MYO1B: variants seen among roughly 807,000 people sequenced by gnomAD.
MYO1B encodes myosin IB.
In MYO1B, 72 loss-of-function variants were observed where a neutral mutation model predicts 159.7. The ratio of observed to expected loss-of-function variants is 0.45; its 90% CI spans 0.37 to 0.55. MYO1B has a LOEUF of 0.55. MYO1B is among the 20% of genes least tolerant of loss of function. The probability of loss-of-function intolerance (pLI) is 0.00; values close to 1 mark genes in which losing one functional copy is unlikely to be tolerated. For synonymous variants in MYO1B, 468 were observed against 473.8 expected (o/e 0.99, Z 0.16); for missense variants, 1,062 against 1,364.8 (o/e 0.78, Z 3.50).
intron 13 of MYO1B, chr2:191,380,866 A>G (rs1695000347): frequency 6.3e-6 from 1 of 158,236 alleles, no homozygotes; most frequent in Non-Finnish European, 1.4e-5. Context: ...GTAGGAATAC[A>G]GTGAACAAGA....
At chr2:191,381,863 G>A (rs1218391534) in intron 14 of MYO1B, among the ~76,000 whole-genome samples, 1 of 152,044 alleles carries the variant, frequency 6.6e-6, no homozygotes, top group African/African-American at 2.4e-5. Context: ...TTAGAGAACT[G>A]TATACCAAAA....
intron 11 of MYO1B, among the ~76,000 whole-genome samples, chr2:191,368,337 G>T (rs117974767): frequency 6.6e-6 from 1 of 152,138 alleles, no homozygotes; most frequent in Non-Finnish European, 1.5e-5. Context: ...GTTGAAAATA[G>T]CAACAAAACC....
At chr2:191,355,120 T>C (rs1413933624) in intron 7 of MYO1B, among the ~76,000 whole-genome samples, 2 of 152,202 alleles carry the variant, frequency 1.3e-5, no homozygotes, top group Non-Finnish European at 2.9e-5. Context: ...ACTATCACCA[T>C]CATGTGAATG....
chr2:191,262,815 A>G (rs1686904466), intron 1 of MYO1B, among the ~76,000 whole-genome samples: 1 of 152,138 alleles, frequency 6.6e-6, no homozygotes, highest in African/African-American at 2.4e-5. Context: ...TTTCTGCTTA[A>G]TCACATCCAA....
chr2:191,358,909 A>C (rs13383834), intron 7 of MYO1B, among the ~76,000 whole-genome samples: 3,046 of 152,344 alleles, frequency 0.02, 94 homozygotes, highest in African/African-American at 0.068. Flanking sequence ...TTCTTCCCAA[A>C]TCGCTGGCAC....
chr2:191,346,371 C>T lies in MYO1B; in HGVS notation c.498+89C>T, dbSNP rs1056318300. On this transcript the variant is annotated intron_variant, in intron 6 of 30. Transcript: ENST00000392318. ...AGTAGATGTTTAATATTTCTTAATA[C>T]ACACATTTTTAAAATAAGAGGAACA... 1.8e-5 allele frequency: 15 copies of T among 816,162 alleles called. No homozygotes were observed. The African/African-American group carries it at 2.7e-4, about 15-fold the overall frequency. The allele number at this position is 816,162 out of a possible 1,614,324, so 50.6% of individuals were successfully genotyped here. A position where few individuals can be genotyped will look rare whatever the true frequency, so the allele number is the denominator to read the frequency against.
intron 4 of MYO1B, among the ~76,000 whole-genome samples, chr2:191,341,197 T>C (rs987329105): frequency 8.5e-5 from 13 of 152,074 alleles, no homozygotes; most frequent in Non-Finnish European, 1.8e-4. Flanking sequence ...AATTCTGATA[T>C]TTTGTTGGTC....
At chr2:191,264,290 C>A (rs962487319) in intron 1 of MYO1B, among the ~76,000 whole-genome samples, 1 of 152,122 alleles carries the variant, frequency 6.6e-6, no homozygotes, top group Non-Finnish European at 1.5e-5. Context: ...GTATAAATAT[C>A]TCTGCCTTTG....
intron 24 of MYO1B, 66 bp from the exon 25 acceptor site, chr2:191,408,049 G>GGT: frequency 1.0e-6 from 1 of 989,454 alleles, no homozygotes; most frequent in Non-Finnish European, 1.6e-6. Context: ...TTTTAATAGA[G>GGT]GTGTATCATT....
intron 1 of MYO1B, among the ~76,000 whole-genome samples, chr2:191,248,336 T>A (rs2125645383): frequency 6.6e-6 from 1 of 152,328 alleles, no homozygotes; most frequent in African/African-American, 2.4e-5. Context: ...CTCCTAGATT[T>A]ACAATGGGGT....
chr2:191,395,726 C>A (rs1696031343), intron 20 of MYO1B, among the ~76,000 whole-genome samples: 1 of 152,208 alleles, frequency 6.6e-6, no homozygotes, highest in Admixed American at 6.5e-5. Context: ...ACCTTCCCCA[C>A]CTGGAAGTAA....
intron 2 of MYO1B, among the ~76,000 whole-genome samples, chr2:191,293,448 G>A (rs1688800391): frequency 6.6e-6 from 1 of 152,162 alleles, no homozygotes; most frequent in Non-Finnish European, 1.5e-5. Context: ...ATGGTAAAGT[G>A]AAAGTAAGTT....
chr2:191,411,246 C>A, intron 27 of MYO1B, 74 bp downstream of exon 27: 1 of 927,950 alleles, frequency 1.1e-6, no homozygotes, highest in Admixed American at 2.5e-5. Context: ...CGCCGTTTTG[C>A]CTGGTGTTTG....
chr2:191,270,566 A>T (rs558514648), intron 1 of MYO1B, among the ~76,000 whole-genome samples: 1 of 152,214 alleles, frequency 6.6e-6, no homozygotes, highest in South Asian at 2.1e-4. Context: ...ATTTAATCTA[A>T]CCCCTCTCAG....
intron 1 of MYO1B, among the ~76,000 whole-genome samples, chr2:191,273,954 T>G (rs886895531): frequency 1.3e-5 from 2 of 152,154 alleles, no homozygotes; most frequent in Non-Finnish European, 2.9e-5. Flanking sequence ...TGAACTAATT[T>G]CATTGACATG....
At chr2:191,339,801 T>A (rs2125945584) in intron 4 of MYO1B, among the ~76,000 whole-genome samples, 1 of 152,334 alleles carries the variant, frequency 6.6e-6, no homozygotes, top group Non-Finnish European at 1.5e-5. Flanking sequence ...ATTCTTGGTC[T>A]TCAGTGGCTC....
intron 12 of MYO1B, among the ~76,000 whole-genome samples, chr2:191,369,920 A>G (rs1163139491): frequency 2.0e-5 from 3 of 152,136 alleles, no homozygotes; most frequent in Non-Finnish European, 2.9e-5. Flanking sequence ...AGTGGTACAC[A>G]CTTTGCTGAA....
chr2:191,321,232 A>C (rs1345354680), intron 3 of MYO1B, among the ~76,000 whole-genome samples: 1 of 152,144 alleles, frequency 6.6e-6, no homozygotes, highest in African/African-American at 2.4e-5. Flanking sequence ...TCTTTTTAAT[A>C]AGTGCAACAT....
intron 10 of MYO1B, 27 bp from the exon 11 acceptor site, chr2:191,364,131 T>C (rs1357635514): frequency 6.3e-7 from 1 of 1,575,974 alleles, no homozygotes; most frequent in Non-Finnish European, 8.7e-7. Context: ...CAGTCACTTT[T>C]TGTGTCCATC....
Sources: allele counts gnomAD v4.1 joint callset (sites outside exome capture counted in the v4.1 genomes callset), GRCh38; gene constraint gnomAD v4.1.1; transcripts MANE v1.5; gene names NCBI Gene and HGNC (gene_info 2026-07-23, HGNC 2026-07-21).